The following ANK2 variants were observed in gnomAD, a reference collection of about 807,000 sequenced individuals.
ANK2 encodes the protein ankyrin-2.
ANK2 carries 83 observed loss-of-function variants against 360.5 expected under a neutral mutation model. That is an observed-to-expected ratio of 0.23 (90% CI 0.19 to 0.28). ANK2 has a LOEUF of 0.28. Ranked by LOEUF, ANK2 falls within the 10% of genes least tolerant of loss-of-function variation. ANK2 has a pLI of 1.00. For synonymous variants in ANK2, 1,740 were observed against 1,759.5 expected (o/e 0.99, Z 0.28); for missense variants, 4,201 against 4,795.7 (o/e 0.88, Z 3.66).
intron 1 of ANK2, among the ~76,000 whole-genome samples, chr4:112,840,192 G>A (rs759122339): frequency 2.6e-5 from 4 of 152,110 alleles, no homozygotes; most frequent in Non-Finnish European, 5.9e-5. Flanking sequence ...TGCATATTCA[G>A]CTACTGAATC....
At chr4:112,931,989 T>C (rs1013139147) in intron 2 of ANK2, among the ~76,000 whole-genome samples, 12 of 152,164 alleles carry the variant, frequency 7.9e-5, no homozygotes, top group African/African-American at 2.9e-4. Flanking sequence ...AAAGACAACA[T>C]AGAATATTAT....
chr4:113,331,767 T>C (rs1042493234), intron 27 of ANK2, among the ~76,000 whole-genome samples: 1 of 152,072 alleles, frequency 6.6e-6, no homozygotes, highest in Non-Finnish European at 1.5e-5. Context: ...GACAGCTAAG[T>C]GCTCTCCTTG....
chr4:113,354,119 C>T lies in ANK2; in HGVS notation c.5501C>T (p.Ser1834Phe). The change falls in exon 38 of 46, where the codon TCC becomes TTC. Residue 1834 changes from serine to phenylalanine, a missense_variant. Physicochemically the swap from Ser to Phe is radical, Grantham distance 155 (BLOSUM62 -2). Around this residue, in one of 4 missense-constraint regions of ANK2, gnomAD observed 2,642 missense variants for 2,714.5 expected, o/e 0.97. Transcript: ENST00000357077. ...AAAACAGAAAGACACTCTACTCTTT[C>T]CTCTTCCGCAAAAACTGAAAGGCAC... ...SPKTERHSTLSSSAKTERHPP... is the reference protein window; with the variant it reads ...SPKTERHSTLFSSAKTERHPP... The T allele has an allele frequency of 1.2e-6, 2 of 1,614,148 alleles. No homozygotes were observed. The highest frequency in any genetic ancestry group is 1.1e-5 in the South Asian group (1 of 91,084).
intron 29 of ANK2, among the ~76,000 whole-genome samples, chr4:113,334,351 A>G (rs149847900): frequency 1.3e-5 from 2 of 152,276 alleles, no homozygotes; most frequent in African/African-American, 4.8e-5. Context: ...AGCTGCTTCT[A>G]CTTCTTGGAA....
chr4:112,733,066 A>T, the ANK2 span, among the ~76,000 whole-genome samples: 1 of 152,106 alleles, frequency 6.6e-6, no homozygotes, highest in Admixed American at 6.5e-5. Context: ...AATACAAAAA[A>T]ATTAGCCAGG....
chr4:113,140,910 G>A (rs1311372497), intron 1 of ANK2, among the ~76,000 whole-genome samples: 9 of 152,050 alleles, frequency 5.9e-5, no homozygotes, highest in Admixed American at 4.6e-4. Flanking sequence ...CCCAGGAGGC[G>A]GAGGTTGCAA....
At chr4:113,104,869 A>G (rs1039550181) in intron 1 of ANK2, among the ~76,000 whole-genome samples, 3 of 152,172 alleles carry the variant, frequency 2.0e-5, no homozygotes, top group African/African-American at 4.8e-5. Flanking sequence ...ACAATGAAGA[A>G]CATAATTTAG....
rs190690242 is a variant in ANK2 at position 113,080,568 on chromosome 4, A to G, written c.84+30756A>G. On this transcript the variant is annotated intron_variant, in intron 1 of 45. Coordinates refer to ENST00000357077, the MANE Select transcript of ANK2 (RefSeq NM_001148.6). Reference sequence around the variant, plus strand: ...GTTTGTTAAGTACATTGTCTGGTAGACCTTCTTTCCATACTAGGAAATGGA... The same window carrying G: ...GTTTGTTAAGTACATTGTCTGGTAGGCCTTCTTTCCATACTAGGAAATGGA... Among the ~76,000 whole-genome samples, 10 of 152,270 alleles carry G rather than the reference A, an allele frequency of 6.6e-5. No individual in the cohort carries two copies. The East Asian group carries it at 1.9e-3, about 29-fold the overall frequency.
chr4:113,330,766 A>G (rs961399997), intron 27 of ANK2, among the ~76,000 whole-genome samples: 1 of 152,180 alleles, frequency 6.6e-6, no homozygotes, highest in East Asian at 1.9e-4. Flanking sequence ...GATGGTAGGT[A>G]TTATTTTCTC....
intron 18 of ANK2, among the ~76,000 whole-genome samples, chr4:113,287,116 C>T (rs1386243609): frequency 6.6e-6 from 1 of 152,144 alleles, no homozygotes; most frequent in Admixed American, 6.5e-5. Context: ...AGTATACCCT[C>T]TTTGGGTGCT....
the ANK2 span, among the ~76,000 whole-genome samples, chr4:112,803,151 T>A: frequency 6.6e-6 from 1 of 152,178 alleles, no homozygotes; most frequent in Non-Finnish European, 1.5e-5. Context: ...AGAATATCTA[T>A]CATAGTAGTA....
At chr4:112,909,367 T>C (rs1019638786) in intron 2 of ANK2, among the ~76,000 whole-genome samples, 1 of 152,214 alleles carries the variant, frequency 6.6e-6, no homozygotes, top group Non-Finnish European at 1.5e-5. Context: ...GGAGTAATGA[T>C]AGAGTTAAGT....
At chr4:112,832,636 T>A (rs2149696871) in intron 1 of ANK2, among the ~76,000 whole-genome samples, 1 of 152,332 alleles carries the variant, frequency 6.6e-6, no homozygotes, top group East Asian at 1.9e-4. Context: ...AATTTCAGAA[T>A]AAACTAAGTC....
chr4:113,043,932 A>C (rs2063603918), intron 2 of ANK2, among the ~76,000 whole-genome samples: 1 of 152,080 alleles, frequency 6.6e-6, no homozygotes, highest in African/African-American at 2.4e-5. Context: ...ACCCCTAATA[A>C]ACAATATTTT....
intron 28 of ANK2, 37 bp from the exon 29 acceptor site, chr4:113,333,017 T>G: frequency 1.2e-6 from 2 of 1,613,914 alleles, no homozygotes; most frequent in Non-Finnish European, 1.7e-6. Context: ...GTTAGTTAGC[T>G]CCTGTCCACA....
intron 1 of ANK2, among the ~76,000 whole-genome samples, chr4:113,055,953 C>G (rs774532297): frequency 2.0e-5 from 3 of 152,128 alleles, no homozygotes; most frequent in African/African-American, 7.2e-5. Flanking sequence ...AATGCTCACT[C>G]TTATCTATGG....
chr4:112,898,308 A>T lies in ANK2; in HGVS notation c.-39-6147A>T, dbSNP rs534517062. On this transcript the variant is annotated intron_variant, in intron 1 of 30. Transcript: ENST00000503271. The stretch of plus-strand genomic sequence containing the variant: ...TTTTCTCTTCTAGGATACCAAATTT[A>T]TATAGTCGTGTCTTATTAGTCTCCT... Among the ~76,000 whole-genome samples, 100 of 152,286 alleles carry T rather than the reference A, an allele frequency of 6.6e-4. No individual in the cohort carries two copies. In the South Asian group the frequency reaches 0.02, roughly 30 times the overall value.
chr4:112,743,224 T>A, the ANK2 span, among the ~76,000 whole-genome samples: 2 of 152,218 alleles, frequency 1.3e-5, no homozygotes, highest in African/African-American at 2.4e-5. Context: ...CAGTTTACTT[T>A]GGCTGATACC....
chr4:113,263,409 A>T (rs1457867391), intron 13 of ANK2, among the ~76,000 whole-genome samples: 1 of 152,212 alleles, frequency 6.6e-6, no homozygotes, highest in African/African-American at 2.4e-5. Context: ...TAAATCTGTT[A>T]TCAGAAAATA....
Sources: gnomAD v4.1 joint callset for allele counts (sites outside exome capture counted in the v4.1 genomes callset) on GRCh38, gnomAD v4.1.1 for gene constraint, gnomAD v4.1.1 regional missense constraint, MANE v1.5 for transcripts, NCBI Gene and HGNC (gene_info 2026-07-23, HGNC 2026-07-21) for gene names.